PSMD11: variants seen among roughly 807,000 people sequenced by gnomAD.
PSMD11 encodes proteasome 26S subunit, non-ATPase 11, also known as 26S proteasome non-ATPase regulatory subunit 11.
In PSMD11, 5 loss-of-function variants were observed where a neutral mutation model predicts 62.3. The observed-to-expected ratio is 0.08, with a 90% CI of 0.04 to 0.17. PSMD11 has a LOEUF of 0.17. Among genes scored for constraint, PSMD11 ranks in the 10% least tolerant of loss-of-function variants. The pLI is 1.00. For synonymous variants in PSMD11, 191 were observed against 191.8 expected, an observed-to-expected ratio of 1.00 and a Z score of 0.03; for missense variants, 310 against 512.9, an observed-to-expected ratio of 0.60 and a Z score of 3.82.
At chr17:32,455,962 T>C (rs1385600579) in intron 3 of PSMD11, among the ~76,000 whole-genome samples, 1 of 151,858 alleles carries the variant, frequency 6.6e-6, no homozygotes, top group African/African-American at 2.4e-5. Flanking sequence ...GCTAACATGG[T>C]GAAACCCCGT....
At position 32,482,525 on chromosome 17, in the gene PSMD11, T is replaced by C. The variant is rs1368150076; in HGVS notation, c.*1773T>C. 1.3e-5 allele frequency: 2 copies of C among 152,266 alleles called. No homozygotes were observed. Among genetic ancestry groups the C allele is most frequent in the Non-Finnish European group, 2.9e-5 (2 of 68,176 alleles). The allele number at this position is 152,266 out of a possible 1,614,324, so 9.4% of individuals were successfully genotyped here. On this transcript the variant is annotated 3_prime_UTR_variant, in exon 14 of 14. Transcript: ENST00000261712. ...CTTAAGGTAAATTTGGGGTCCAAAC[T>C]TGGAGGGCTTTGGGGGCAAGAAAGT...
intron 2 of PSMD11, among the ~76,000 whole-genome samples, chr17:32,449,274 A>T (rs1310152278): frequency 6.6e-6 from 1 of 151,976 alleles, no homozygotes; most frequent in Non-Finnish European, 1.5e-5. Context: ...GTGTGGTGTT[A>T]TGTGCCTGTA....
At position 32,473,940 on chromosome 17, in the gene PSMD11, C is replaced by T. The variant is rs146169141; in HGVS notation, c.783C>T (p.Leu261=). The T allele has an allele frequency of 6.9e-5, 111 of 1,613,968 alleles. No homozygotes were observed. The highest frequency in any genetic ancestry group is 8.6e-5 in the Non-Finnish European group (101 of 1,180,002). The change falls in exon 7 of 14, where the codon CTC becomes CTT. Residue 261 remains leucine (L), a synonymous_variant. Coordinates refer to ENST00000261712, the MANE Select transcript of PSMD11 (RefSeq NM_002815.4). ...ACATGTTGCTGTGCAAAATCATGCTCAACACGTAGGTGCACCTTAACTCTG... is the reference window on the plus strand; with the variant it reads ...ACATGTTGCTGTGCAAAATCATGCTTAACACGTAGGTGCACCTTAACTCTG... The part of the protein sequence containing the change: ...LKYMLLCKIM[L]NTPEDVQALV...
intron 2 of PSMD11, among the ~76,000 whole-genome samples, chr17:32,450,325 GCT>G (rs1907452809): frequency 6.6e-6 from 1 of 151,336 alleles, no homozygotes; most frequent in African/African-American, 2.4e-5. Flanking sequence ...TGTGATCTCG[GCT>G]CACTGCAACT....
chr17:32,479,343 G>T lies in PSMD11; in HGVS notation c.1005G>T (p.Leu335=), dbSNP rs1211438690. 1.2e-6 allele frequency: 2 copies of T among 1,614,206 alleles called. No individual in the cohort carries two copies. The highest frequency in any genetic ancestry group is 1.7e-6 in the Non-Finnish European group (2 of 1,180,038). ...KLYDNLLEQN[L]IRVIEPFSRV... is the part of the protein sequence containing the mutation. ...ATGATAACTTACTAGAACAGAATCT[G>T]ATCCGAGTCATTGAGCCTTTTTCCA... The change falls in exon 10 of 14, where the codon CTG becomes CTT. Residue 335 remains leucine (L), a synonymous_variant. Transcript: ENST00000261712.
At chr17:32,479,189 A>G in intron 9 of PSMD11, 62 bp from the exon 10 acceptor site, 3 of 1,586,102 alleles carry the variant, frequency 1.9e-6, no homozygotes, top group Non-Finnish European at 2.6e-6. Flanking sequence ...TCTAGGAAGC[A>G]GGAGTAGCAT....
chr17:32,467,230 A>G (rs973763142), intron 5 of PSMD11, among the ~76,000 whole-genome samples: 1 of 136,950 alleles, frequency 7.3e-6, no homozygotes, highest in East Asian at 2.1e-4. Context: ...GGCGTGAGCC[A>G]CCATGCCCGG....
intron 8 of PSMD11, 30 bp downstream of exon 8, chr17:32,474,854 C>T: frequency 6.3e-7 from 1 of 1,590,764 alleles, no homozygotes; most frequent in Non-Finnish European, 8.6e-7. Flanking sequence ...CAGTTCTGCT[C>T]ACTCTGAGAC....
At position 32,458,139 on chromosome 17, in the gene PSMD11, T is replaced by C. The variant is rs956835606; in HGVS notation, c.318+3520T>C. 4.6e-5 allele frequency among the ~76,000 whole-genome samples: 7 copies of C among 151,636 alleles called. No homozygotes were observed. The East Asian group carries it at 9.6e-4, about 21-fold the overall frequency. On this transcript the variant is annotated intron_variant, in intron 3 of 13. Coordinates refer to ENST00000261712, the MANE Select transcript of PSMD11 (RefSeq NM_002815.4). ...AACTACCATCTAGTTTGGTTCTTAA[T>C]TTTTTTTTACTTGGACTACTGTAAA...
intron 5 of PSMD11, among the ~76,000 whole-genome samples, chr17:32,464,808 T>A (rs1907947584): frequency 6.6e-6 from 1 of 152,218 alleles, no homozygotes; most frequent in Non-Finnish European, 1.5e-5. Context: ...GTTTTAAGTT[T>A]ACTTGAATTT....
At chr17:32,450,850 G>T (rs1907472034) in intron 2 of PSMD11, among the ~76,000 whole-genome samples, 1 of 152,016 alleles carries the variant, frequency 6.6e-6, no homozygotes, top group Non-Finnish European at 1.5e-5. Context: ...TTGAAGCCAG[G>T]AGTTATGTGG....
At chr17:32,458,265 C>T (rs1345586705) in intron 3 of PSMD11, among the ~76,000 whole-genome samples, 1 of 152,154 alleles carries the variant, frequency 6.6e-6, no homozygotes. Context: ...AGTGGCTTTC[C>T]ATTGCCTGCA....
chr17:32,446,361 C>G (rs1567850480), intron 1 of PSMD11, among the ~76,000 whole-genome samples: 1 of 152,182 alleles, frequency 6.6e-6, no homozygotes, highest in Non-Finnish European at 1.5e-5. Flanking sequence ...GCAGCAGTCT[C>G]CCCTAAGTGT....
intron 13 of PSMD11, 41 bp downstream of exon 13, chr17:32,480,672 T>C: frequency 1.9e-6 from 3 of 1,607,784 alleles, no homozygotes; most frequent in Non-Finnish European, 2.6e-6. Flanking sequence ...GGCAGCTCTG[T>C]CTTCTGCGTG....
Position 32,464,512 on chromosome 17 carries a change from C to T in PSMD11, c.391-9C>T, listed in dbSNP as rs1301322982. The stretch of plus-strand genomic sequence containing the variant: ...CCCCCCTTCAATCAATGCCTTTTCT[C>T]TTTCCTAGGCAAGACTGGTGTCTTT... On this transcript the variant is annotated splice_polypyrimidine_tract_variant and intron_variant, in intron 4 of 13. Coordinates refer to ENST00000261712, the MANE Select transcript of PSMD11 (RefSeq NM_002815.4). 2 of 1,591,090 alleles carry T rather than the reference C, an allele frequency of 1.3e-6. No homozygotes were observed. The highest frequency in any genetic ancestry group is 1.8e-5 in the Admixed American group (1 of 56,700).
At chr17:32,473,690 A>C in intron 6 of PSMD11, 111 bp from the exon 7 acceptor site, 1 of 1,061,222 alleles carries the variant, frequency 9.4e-7, no homozygotes, top group East Asian at 2.5e-5. Context: ...GTGGATTTAC[A>C]GGTGTGAGCC....
chr17:32,450,402 T>C (rs1201460069), intron 2 of PSMD11, among the ~76,000 whole-genome samples: 2 of 150,366 alleles, frequency 1.3e-5, no homozygotes, highest in East Asian at 3.9e-4. Context: ...ACTACAGGCG[T>C]GAGCCACCAT....
At chr17:32,450,686 TGA>T in intron 2 of PSMD11, among the ~76,000 whole-genome samples, 1 of 151,712 alleles carries the variant, frequency 6.6e-6, no homozygotes. Flanking sequence ...TCAGTATGTA[TGA>T]AAGTGGAAGG....
intron 7 of PSMD11, 67 bp downstream of exon 7, chr17:32,474,012 A>G (rs917882791): frequency 8.9e-6 from 14 of 1,574,184 alleles, no homozygotes; most frequent in Non-Finnish European, 1.1e-5. Context: ...GCCATGGCAG[A>G]GATGGCCTGA....
Sources: gnomAD v4.1 joint callset for allele counts (sites outside exome capture counted in the v4.1 genomes callset) on GRCh38, gnomAD v4.1.1 for gene constraint, MANE v1.5 for transcripts, NCBI Gene and HGNC (gene_info 2026-07-23, HGNC 2026-07-21) for gene names.